LGALS9: variants seen among roughly 807,000 people sequenced by gnomAD.
LGALS9 encodes the protein galectin-9.
In LGALS9, 26 loss-of-function variants were observed where a neutral mutation model predicts 35.9. The ratio of observed to expected loss-of-function variants is 0.72; its 90% CI spans 0.53 to 1.01. The LOEUF (loss-of-function observed/expected upper bound fraction) is 1.01. Among genes scored for constraint, LGALS9 ranks in the 50% least tolerant of loss-of-function variants. The pLI is 0.00. For synonymous variants in LGALS9, 149 were observed against 172.2 expected (o/e 0.87, Z 1.06); for missense variants, 347 against 445.8 (o/e 0.78, Z 1.99).
Position 27,635,929 on chromosome 17 carries a change from G to A in LGALS9, c.40-2334G>A, listed in dbSNP as rs1003660679. On this transcript the variant is annotated intron_variant, in intron 1 of 10. Transcript: ENST00000395473. ...TGACTCTCCTTCCCCTACACTGCTGGTGTAGACAGGGACAAGAATGAGAAG... is the reference window on the plus strand; with the variant it reads ...TGACTCTCCTTCCCCTACACTGCTGATGTAGACAGGGACAAGAATGAGAAG... Among the ~76,000 whole-genome samples, 4 of 152,196 alleles carry A rather than the reference G, an allele frequency of 2.6e-5. 1 individual carries two copies. Among genetic ancestry groups the A allele is most frequent in the African/African-American group, 9.7e-5 (4 of 41,440 alleles).
chr17:27,635,604 T>C (rs2074440985), intron 1 of LGALS9, among the ~76,000 whole-genome samples: 1 of 152,186 alleles, frequency 6.6e-6, no homozygotes, highest in Non-Finnish European at 1.5e-5. Context: ...CCCCATGATC[T>C]GTACTTCCTC....
intron 2 of LGALS9, among the ~76,000 whole-genome samples, chr17:27,639,782 G>C (rs560094203): frequency 6.6e-6 from 1 of 152,186 alleles, no homozygotes; most frequent in Admixed American, 6.5e-5. Context: ...CTGCCACCAG[G>C]CTGGAGTGCT....
At chr17:27,631,648 G>T (rs1196612097) in intron 1 of LGALS9, among the ~76,000 whole-genome samples, 1 of 152,150 alleles carries the variant, frequency 6.6e-6, no homozygotes, top group Admixed American at 6.5e-5. Flanking sequence ...GACGCTACCC[G>T]GCATGGTAGT....
At chr17:27,631,640 C>T (rs950510012) in intron 1 of LGALS9, among the ~76,000 whole-genome samples, 2 of 152,138 alleles carry the variant, frequency 1.3e-5, no homozygotes, top group Non-Finnish European at 1.5e-5. Context: ...ACAGTAAGGA[C>T]GCTACCCGGC....
chr17:27,642,179 G>C lies in LGALS9; in HGVS notation c.334-59G>C, dbSNP rs1038351884. On this transcript the variant is annotated intron_variant, in intron 3 of 10. Transcript: ENST00000395473. ...CTAGAAAGAGGGTCCAGGAGCTCAG[G>C]GGTGGTCCCCATCCCAGCCTGGGAT... 1.5e-5 allele frequency: 24 copies of C among 1,576,732 alleles called. 1 individual carries two copies. The highest frequency in any genetic ancestry group is 1.7e-5 in the Non-Finnish European group (20 of 1,154,348).
rs141064253 is a variant in LGALS9, at chr17:27,649,174, C to T, written c.*192C>T. 3 of 847,074 alleles carry T rather than the reference C, an allele frequency of 3.5e-6. No individual in the cohort carries two copies. Among genetic ancestry groups the T allele is most frequent in the South Asian group, 3.6e-5 (2 of 55,906 alleles). 52.5% of individuals were successfully genotyped at this position (847,074 alleles called of 1,614,324 possible). On this transcript the variant is annotated 3_prime_UTR_variant, in exon 11 of 11. Coordinates refer to ENST00000395473, the MANE Select transcript of LGALS9 (RefSeq NM_009587.3). ...CGGAGAAGGCAGCTGACGGGGATTG[C>T]CTTCCTCAGCCGCAGCAGCACCTGG...
Position 27,643,177 on chromosome 17 carries a change from G to A in LGALS9, c.445-348G>A, listed in dbSNP as rs934536146. Among the ~76,000 whole-genome samples the A allele has an allele frequency of 3.7e-4, 56 of 152,352 alleles. 1 individual carries two copies. Among genetic ancestry groups the A allele is most frequent in the South Asian group, 1.2e-3 (6 of 4,822 alleles). On this transcript the variant is annotated intron_variant, in intron 4 of 10. Coordinates refer to ENST00000395473, the MANE Select transcript of LGALS9 (RefSeq NM_009587.3). ...GGGCACCAGCAGCTGGGTGGGAGCT[G>A]CTGTTACCCTTTTGGCATTCGAGGC...
intron 4 of LGALS9, among the ~76,000 whole-genome samples, 164 bp from the exon 5 acceptor site, chr17:27,643,361 C>A (rs1365328053): frequency 6.6e-6 from 1 of 152,192 alleles, no homozygotes; most frequent in Non-Finnish European, 1.5e-5. Flanking sequence ...GCACTGCTCA[C>A]CAGAGCCTGG....
At chr17:27,632,766 C>A (rs573755500) in intron 1 of LGALS9, among the ~76,000 whole-genome samples, 1 of 152,362 alleles carries the variant, frequency 6.6e-6, no homozygotes, top group East Asian at 1.9e-4. Flanking sequence ...GGAGTCCAGA[C>A]AAGAAAGATG....
At chr17:27,646,699 G>T in intron 8 of LGALS9, 111 bp downstream of exon 8, 1 of 1,556,298 alleles carries the variant, frequency 6.4e-7, no homozygotes. Flanking sequence ...GCAGTCATTT[G>T]TTAAGCTGAA....
At chr17:27,643,967 G>A in intron 5 of LGALS9, 1 of 243,298 alleles carries the variant, frequency 4.1e-6, no homozygotes, top group Admixed American at 5.2e-5. Context: ...AAGCAAATGT[G>A]ATCACACCCT....
In LGALS9 at chr17:27,640,620, C is replaced by G; in HGVS notation, c.180C>G (p.Phe60Leu). 1 of 1,614,154 alleles carries G rather than the reference C, an allele frequency of 6.2e-7. No individual in the cohort carries two copies. The highest frequency in any genetic ancestry group is 8.5e-7 in the Non-Finnish European group (1 of 1,179,978). Residue 60 changes from phenylalanine to leucine, a missense_variant, in exon 3 of 11, where the codon TTC (phenylalanine) becomes TTG (leucine). Coordinates refer to ENST00000395473, the MANE Select transcript of LGALS9 (RefSeq NM_009587.3). ...QTGFSGNDIAFHFNPRFEDGG... is the reference protein window; with the variant it reads ...QTGFSGNDIALHFNPRFEDGG... Reference sequence around the variant, plus strand: ...GCTTCAGTGGAAATGACATTGCCTTCCACTTCAACCCTCGGTTTGAAGATG... The same window carrying G: ...GCTTCAGTGGAAATGACATTGCCTTGCACTTCAACCCTCGGTTTGAAGATG...
At chr17:27,647,464 C>T (rs374983129) in intron 10 of LGALS9, 32 bp downstream of exon 10, 37 of 1,613,372 alleles carry the variant, frequency 2.3e-5, no homozygotes, top group Admixed American at 1.7e-5. Context: ...CTTGGAGAGG[C>T]TCCCATGGGT....
At chr17:27,641,625 G>T (rs538954262) in intron 3 of LGALS9, among the ~76,000 whole-genome samples, 1 of 152,054 alleles carries the variant, frequency 6.6e-6, no homozygotes, top group Non-Finnish European at 1.5e-5. Flanking sequence ...CATGGCACCC[G>T]TTTACCTAGT....
At chr17:27,631,337 T>C (rs1224370970) in intron 1 of LGALS9, 33 bp downstream of exon 1, 1 of 1,613,988 alleles carries the variant, frequency 6.2e-7, no homozygotes, top group Admixed American at 1.7e-5. Flanking sequence ...CAGGGCTGCC[T>C]CAGCCAGAGG....
At chr17:27,640,819 C>A (rs1438096045) in intron 3 of LGALS9, 46 bp downstream of exon 3, 2 of 1,609,828 alleles carry the variant, frequency 1.2e-6, no homozygotes, top group Non-Finnish European at 8.5e-7. Context: ...GGACCCCCAG[C>A]CCTATCAGGT....
chr17:27,648,251 G>A (rs1905084053), intron 10 of LGALS9, among the ~76,000 whole-genome samples: 1 of 152,250 alleles, frequency 6.6e-6, no homozygotes, highest in Admixed American at 6.5e-5. Context: ...AAGCCAGGGA[G>A]CAACATACTT....
rs983335499 is a variant in LGALS9 at position 27,638,147 on chromosome 17, G to A, written c.40-116G>A. 23 of 830,268 alleles carry A rather than the reference G, an allele frequency of 2.8e-5. 1 individual carries two copies. The highest frequency in any genetic ancestry group is 5.7e-5 in the South Asian group (4 of 70,668). The allele number at this position is 830,268 out of a possible 1,614,324, so 51.4% of individuals were successfully genotyped here. On this transcript the variant is annotated intron_variant, in intron 1 of 10. Coordinates refer to ENST00000395473, the MANE Select transcript of LGALS9 (RefSeq NM_009587.3). ...GACTCCCTCTGTACTGGTCACAGCC[G>A]CACCCTATCCCCTTGCATGGGGCTG... is the stretch of plus-strand genomic sequence containing the variant.
chr17:27,637,302 A>G (rs1246632927), intron 1 of LGALS9, among the ~76,000 whole-genome samples: 1 of 152,198 alleles, frequency 6.6e-6, no homozygotes, highest in African/African-American at 2.4e-5. Context: ...GTTTCTCACA[A>G]AATCATCAAT....
Sources: allele counts gnomAD v4.1 joint callset (sites outside exome capture counted in the v4.1 genomes callset), GRCh38; gene constraint gnomAD v4.1.1; transcripts MANE v1.5; gene names NCBI Gene and HGNC (gene_info 2026-07-23, HGNC 2026-07-21).